C12orf42: variants seen among roughly 807,000 people sequenced by gnomAD.
C12orf42 encodes the protein uncharacterized protein C12orf42.
Under a neutral mutation model 21.6 loss-of-function variants are expected in C12orf42, and 25 were observed. The ratio of observed to expected loss-of-function variants is 1.16; its 90% confidence interval spans 0.84 to 1.62. The LOEUF (loss-of-function observed/expected upper bound fraction) is 1.62. C12orf42 is among the 40% of genes most tolerant of loss of function. C12orf42 has a pLI of 0.00. For synonymous variants in C12orf42, 174 were observed against 175.0 expected, an observed-to-expected ratio of 0.99 and a Z score of 0.05; for missense variants, 483 against 459.3, an observed-to-expected ratio of 1.05 and a Z score of -0.47.
chr12:103,222,510 C>T, the C12orf42 span, among the ~76,000 whole-genome samples: 1 of 152,172 alleles, frequency 6.6e-6, no homozygotes, highest in Non-Finnish European at 1.5e-5. Flanking sequence ...GCCATCTGGG[C>T]ATACACGTGC....
At chr12:103,243,663 A>G (rs1057335729) in intron 10 of C12orf42, among the ~76,000 whole-genome samples, 1 of 152,110 alleles carries the variant, frequency 6.6e-6, no homozygotes, top group African/African-American at 2.4e-5. Context: ...GCAAAACTCT[A>G]TCCACAATAA....
chr12:103,199,190 T>A, the C12orf42 span, among the ~76,000 whole-genome samples: 1 of 152,172 alleles, frequency 6.6e-6, no homozygotes, highest in African/African-American at 2.4e-5. Flanking sequence ...TTCACAACAG[T>A]ACCAAGAATA....
At position 103,246,176 on chromosome 12, in the gene C12orf42, A is replaced by ACCAATAT. The variant is rs548567830; in HGVS notation, c.*1367-8281_*1367-8275dup. On this transcript the variant is annotated intron_variant and NMD_transcript_variant, in intron 10 of 10. Coordinates refer to the C12orf42 transcript ENST00000547347. ...ATTCAGTCATAGTAAACGGAAATAA[A>ACCAATAT]CCAATATTTTAAAATTCAAAACATG... Among the ~76,000 whole-genome samples, 30 of 152,248 alleles carry ACCAATAT rather than the reference A, an allele frequency of 2.0e-4. No homozygotes were observed. In the East Asian group the frequency reaches 5.4e-3, roughly 27 times the overall value.
intron 4 of C12orf42, among the ~76,000 whole-genome samples, chr12:103,353,469 G>A (rs966765763): frequency 1.3e-5 from 2 of 152,080 alleles, no homozygotes; most frequent in Middle Eastern, 3.2e-3. Context: ...TCACTTGCCA[G>A]TACCTCTTCT....
chr12:103,529,997 T>C, the C12orf42 span, among the ~76,000 whole-genome samples: 3 of 152,224 alleles, frequency 2.0e-5, no homozygotes, highest in Admixed American at 2.0e-4. Context: ...GTCTTCATTT[T>C]GCTTTAGTCA....
chr12:103,166,644 C>A, the C12orf42 span, among the ~76,000 whole-genome samples: 4 of 152,038 alleles, frequency 2.6e-5, no homozygotes, highest in African/African-American at 9.7e-5. Context: ...GCAATAAACC[C>A]TTCTCTTCAT....
chr12:103,242,625 TA>T (rs2033805122), intron 10 of C12orf42, among the ~76,000 whole-genome samples: 2 of 152,070 alleles, frequency 1.3e-5, no homozygotes, highest in Admixed American at 1.3e-4. Context: ...CCATATGCAA[TA>T]AAATAAGCAT....
the C12orf42 span, among the ~76,000 whole-genome samples, chr12:103,143,125 G>A: frequency 1.3e-5 from 2 of 152,088 alleles, no homozygotes; most frequent in Non-Finnish European, 2.9e-5. Flanking sequence ...CTAGAAAGGG[G>A]AAAAAATGGG....
the C12orf42 span, among the ~76,000 whole-genome samples, chr12:103,531,364 A>G: frequency 5.3e-5 from 8 of 152,156 alleles, no homozygotes; most frequent in African/African-American, 1.9e-4. Context: ...TGCATGTGGT[A>G]AGAAAGAGAG....
intron 3 of C12orf42, among the ~76,000 whole-genome samples, chr12:103,384,574 T>C (rs1440548968): frequency 6.6e-6 from 1 of 152,226 alleles, no homozygotes; most frequent in African/African-American, 2.4e-5. Context: ...TTTCTCCCAC[T>C]CCTTCTTGAC....
chr12:103,292,968 A>G (rs559853910), intron 4 of C12orf42, among the ~76,000 whole-genome samples: 1 of 152,194 alleles, frequency 6.6e-6, no homozygotes, highest in Non-Finnish European at 1.5e-5. Context: ...AAACTAGAAA[A>G]GGCCACTCAC....
At chr12:103,145,543 C>A in the C12orf42 span, among the ~76,000 whole-genome samples, 60 of 152,160 alleles carry the variant, frequency 3.9e-4, no homozygotes, top group African/African-American at 1.3e-3. Context: ...ATTGATACAG[C>A]CTATGCCATG....
the C12orf42 span, among the ~76,000 whole-genome samples, chr12:103,523,711 C>T: frequency 4.0e-5 from 6 of 151,212 alleles, no homozygotes; most frequent in Admixed American, 2.0e-4. Context: ...ATTTTCATAT[C>T]ACTTAAAACA....
At chr12:103,531,611 C>T in the C12orf42 span, among the ~76,000 whole-genome samples, 1 of 152,186 alleles carries the variant, frequency 6.6e-6, no homozygotes, top group Non-Finnish European at 1.5e-5. Context: ...CTTTTCATTA[C>T]ATTTTGGGTA....
chr12:103,280,830 G>C (rs1315883834), intron 4 of C12orf42, among the ~76,000 whole-genome samples: 4 of 152,186 alleles, frequency 2.6e-5, no homozygotes, highest in African/African-American at 9.6e-5. Flanking sequence ...CATGGAGTGA[G>C]AACTGACACC....
At chr12:103,290,386 G>C (rs1017305329) in intron 4 of C12orf42, among the ~76,000 whole-genome samples, 1 of 152,114 alleles carries the variant, frequency 6.6e-6, no homozygotes, top group Non-Finnish European at 1.5e-5. Context: ...CAATAGGAAG[G>C]TCTCTTTCAT....
the C12orf42 span, among the ~76,000 whole-genome samples, chr12:103,180,461 G>A: frequency 6.6e-6 from 1 of 152,026 alleles, no homozygotes; most frequent in Non-Finnish European, 1.5e-5. Context: ...ATTTGCACTG[G>A]AGAAAAAGCC....
the C12orf42 span, among the ~76,000 whole-genome samples, chr12:103,144,687 G>C: frequency 2.6e-5 from 4 of 152,130 alleles, no homozygotes; most frequent in Non-Finnish European, 5.9e-5. Context: ...TAATCTTGAT[G>C]GGGGGAGGAG....
intron 3 of C12orf42, among the ~76,000 whole-genome samples, chr12:103,399,418 G>A (rs1476815190): frequency 1.3e-5 from 2 of 150,704 alleles, no homozygotes; most frequent in Non-Finnish European, 2.9e-5. Context: ...GCCCAGGCTG[G>A]AGTGAAATGG....
Sources: gnomAD v4.1 joint callset for allele counts (sites outside exome capture counted in the v4.1 genomes callset) on GRCh38, gnomAD v4.1.1 for gene constraint, MANE v1.5 for transcripts, NCBI Gene and HGNC (gene_info 2026-07-23, HGNC 2026-07-21) for gene names.